The following NTM variants were observed in gnomAD, a reference collection of about 807,000 sequenced individuals.
The protein encoded by NTM is neurotrimin.
Under a neutral mutation model 42.1 loss-of-function variants are expected in NTM, and 13 were observed. The ratio of observed to expected loss-of-function variants is 0.31; its 90% confidence interval spans 0.20 to 0.49. The LOEUF is 0.49. Ranked by LOEUF, NTM falls within the 20% of genes least tolerant of loss-of-function variation. The pLI, the probability that NTM is intolerant of heterozygous loss-of-function variation, is 0.99. For synonymous variants in NTM, 187 were observed against 179.2 expected (o/e 1.04, Z -0.35); for missense variants, 373 against 452.8 (o/e 0.82, Z 1.60).
chr11:131,621,522 T>C (rs1437370918), intron 1 of NTM, among the ~76,000 whole-genome samples: 1 of 150,018 alleles, frequency 6.7e-6, no homozygotes, highest in African/African-American at 2.4e-5. Flanking sequence ...GCTACAGGCC[T>C]GGATTAGTGG....
At chr11:132,011,879 G>C (rs1249517538) in intron 2 of NTM, among the ~76,000 whole-genome samples, 1 of 152,184 alleles carries the variant, frequency 6.6e-6, no homozygotes, top group Non-Finnish European at 1.5e-5. Flanking sequence ...CTCAGAAGGT[G>C]TCCTTCTTTA....
chr11:131,661,839 T>C (rs1288544921), intron 1 of NTM, among the ~76,000 whole-genome samples: 1 of 152,222 alleles, frequency 6.6e-6, no homozygotes, highest in African/African-American at 2.4e-5. Context: ...ATTTGTTATT[T>C]TCTTTGCGAG....
intron 3 of NTM, among the ~76,000 whole-genome samples, chr11:132,153,624 C>A (rs2072490334): frequency 6.6e-6 from 1 of 152,168 alleles, no homozygotes; most frequent in Admixed American, 6.5e-5. Context: ...TTGTTCCTCT[C>A]TTCTTAATAA....
At chr11:131,560,903 G>A (rs1243002824) in intron 1 of NTM, among the ~76,000 whole-genome samples, 1 of 152,194 alleles carries the variant, frequency 6.6e-6, no homozygotes, top group Non-Finnish European at 1.5e-5. Context: ...ACTTTGAACA[G>A]CCCTCTTCTT....
chr11:132,198,519 C>T (rs190455293), intron 3 of NTM, among the ~76,000 whole-genome samples: 26 of 152,126 alleles, frequency 1.7e-4, no homozygotes, highest in East Asian at 5.8e-4. Flanking sequence ...GTATTGAATA[C>T]GACTAAACTG....
chr11:131,553,626 C>T (rs573935260), intron 1 of NTM, among the ~76,000 whole-genome samples: 1 of 152,322 alleles, frequency 6.6e-6, no homozygotes, highest in East Asian at 1.9e-4. Flanking sequence ...ACGCCCACTA[C>T]CAAAACCTTA....
chr11:131,506,845 T>C (rs951784171), intron 1 of NTM, among the ~76,000 whole-genome samples: 4 of 152,334 alleles, frequency 2.6e-5, no homozygotes, highest in Admixed American at 2.6e-4. Context: ...TCTGTCCTTT[T>C]AATTCCAGGG....
chr11:132,168,968 C>T (rs61905985), intron 3 of NTM, among the ~76,000 whole-genome samples: 2,666 of 152,144 alleles, frequency 0.018, 31 homozygotes, highest in Non-Finnish European at 0.02. Context: ...ATTCCCACCA[C>T]CAAAACTATC....
intron 1 of NTM, among the ~76,000 whole-genome samples, chr11:131,620,992 T>G (rs565304990): frequency 6.6e-6 from 1 of 152,290 alleles, no homozygotes; most frequent in African/African-American, 2.4e-5. Context: ...CACTAGCCAC[T>G]AACTAATGTG....
intron 1 of NTM, among the ~76,000 whole-genome samples, chr11:131,473,004 G>A (rs962336086): frequency 1.3e-5 from 2 of 152,094 alleles, no homozygotes; most frequent in African/African-American, 4.8e-5. Context: ...AAGAATATGA[G>A]GATCAATAAT....
rs992088091 is a variant in NTM, at chr11:132,322,020, T to A, written c.934+7317T>A. 3.6e-4 allele frequency among the ~76,000 whole-genome samples: 55 copies of A among 151,596 alleles called. 1 individual carries two copies. The highest frequency in any genetic ancestry group is 1.2e-3 in the African/African-American group (50 of 41,272). On this transcript the variant is annotated intron_variant, in intron 7 of 8. Transcript: ENST00000683400. Reference sequence around the variant, plus strand: ...ACCAGGCCTGCCCTAAAAGAGCTCCTGAAGGAAGTGCTAAACATGGAAAGG... The same window carrying A: ...ACCAGGCCTGCCCTAAAAGAGCTCCAGAAGGAAGTGCTAAACATGGAAAGG...
chr11:131,681,871 G>A (rs535503209), intron 1 of NTM, among the ~76,000 whole-genome samples: 4 of 93,218 alleles, frequency 4.3e-5, no homozygotes, highest in South Asian at 7.1e-4. Context: ...GCGTGTGTGC[G>A]TCTGTGTCTG....
chr11:132,265,759 T>A (rs1167760932), intron 4 of NTM, among the ~76,000 whole-genome samples: 7 of 152,326 alleles, frequency 4.6e-5, no homozygotes, highest in South Asian at 4.1e-4. Flanking sequence ...GCATTTTTTT[T>A]ATGTATTAAC....
intron 1 of NTM, among the ~76,000 whole-genome samples, chr11:131,595,010 T>C (rs1244575005): frequency 2.6e-5 from 4 of 152,216 alleles, no homozygotes; most frequent in African/African-American, 9.6e-5. Flanking sequence ...TAATATTTTG[T>C]TGGCTTAAGT....
At chr11:131,600,200 C>G (rs968023436) in intron 1 of NTM, among the ~76,000 whole-genome samples, 1 of 152,110 alleles carries the variant, frequency 6.6e-6, no homozygotes, top group African/African-American at 2.4e-5. Flanking sequence ...AGGGAGACAC[C>G]TTGCTGTTTA....
intron 2 of NTM, among the ~76,000 whole-genome samples, chr11:131,986,899 T>C (rs2066157016): frequency 6.6e-6 from 1 of 152,198 alleles, no homozygotes; most frequent in Non-Finnish European, 1.5e-5. Flanking sequence ...TCCAACATAA[T>C]TATAATTCCA....
intron 2 of NTM, among the ~76,000 whole-genome samples, chr11:132,018,125 CTCTG>C (rs2073736714): frequency 6.6e-6 from 1 of 151,636 alleles, no homozygotes; most frequent in Non-Finnish European, 1.5e-5. Flanking sequence ...CCCTCTGTCT[CTCTG>C]TCTCTCTTTT....
At chr11:132,069,356 C>A (rs1170885671) in intron 2 of NTM, among the ~76,000 whole-genome samples, 21 of 130,306 alleles carry the variant, frequency 1.6e-4, no homozygotes, top group Admixed American at 3.1e-4. Context: ...TAACACGTCA[C>A]ACTGACCATC....
chr11:131,661,698 GT>G (rs1193371331), intron 1 of NTM, among the ~76,000 whole-genome samples: 14 of 152,166 alleles, frequency 9.2e-5, no homozygotes, highest in Non-Finnish European at 4.4e-5. Flanking sequence ...TTCCAGGCTA[GT>G]TTTGGCTTTC....
Sources: gnomAD v4.1 joint callset for allele counts (sites outside exome capture counted in the v4.1 genomes callset) on GRCh38, gnomAD v4.1.1 for gene constraint, MANE v1.5 for transcripts, NCBI Gene and HGNC (gene_info 2026-07-23, HGNC 2026-07-21) for gene names.